The following DCAF6 variants were observed in gnomAD, a reference collection of about 807,000 sequenced individuals.
DCAF6 encodes DDB1 and CUL4 associated factor 6, also known as DDB1- and CUL4-associated factor 6.
Under a neutral mutation model 125.1 loss-of-function variants are expected in DCAF6, and 54 were observed. The observed-to-expected ratio is 0.43, with a 90% CI of 0.35 to 0.54. The LOEUF (loss-of-function observed/expected upper bound fraction) is 0.54, where lower values mean the gene tolerates loss of function less well. DCAF6 is among the 20% of genes least tolerant of loss of function. The pLI is 0.01. For synonymous variants in DCAF6, 371 were observed against 390.4 expected, an observed-to-expected ratio of 0.95 and a Z score of 0.58; for missense variants, 934 against 1,161.7, an observed-to-expected ratio of 0.80 and a Z score of 2.85.
chr1:168,075,455 A>G lies in DCAF6; in HGVS notation c.*20A>G, dbSNP rs764996249. 3 of 1,573,476 alleles carry G rather than the reference A, an allele frequency of 1.9e-6. No individual in the cohort carries two copies. Among genetic ancestry groups the G allele is most frequent in the Non-Finnish European group, 1.7e-6 (2 of 1,164,952 alleles). The stretch of plus-strand genomic sequence containing the variant: ...GAATAATAAACTCTTTTTGGCAAGC[A>G]CTTAAATGTTCTGAAATTTGTATAA... On this transcript the variant is annotated 3_prime_UTR_variant, in exon 22 of 22. Coordinates refer to ENST00000367840, the MANE Select transcript of DCAF6 (RefSeq NM_001198956.2).
At chr1:167,975,584 C>T (rs1678026496) in intron 4 of DCAF6, among the ~76,000 whole-genome samples, 1 of 152,212 alleles carries the variant, frequency 6.6e-6, no homozygotes, top group African/African-American at 2.4e-5. Flanking sequence ...GTCACACTGT[C>T]ACTCACACTG....
chr1:168,018,676 A>T (rs1356213127), intron 11 of DCAF6, among the ~76,000 whole-genome samples: 2 of 152,248 alleles, frequency 1.3e-5, no homozygotes, highest in African/African-American at 4.8e-5. Context: ...TTTTAAAAGT[A>T]TATCTTTTCT....
intron 10 of DCAF6, among the ~76,000 whole-genome samples, chr1:168,009,386 C>CCTTCCTTT (rs1374012470): frequency 1.3e-3 from 102 of 75,606 alleles, no homozygotes; most frequent in African/African-American, 4.9e-3. Context: ...TTCCTTCCTT[C>CCTTCCTTT]CTTTCTTTCT....
At chr1:167,933,875 G>A (rs939646649), upstream of DCAF6, among the ~76,000 whole-genome samples, 4 of 152,176 alleles carry the variant, frequency 2.6e-5, no homozygotes. Context: ...GACAGTTATT[G>A]AGAGTCTAAG....
chr1:167,984,264 A>T (rs922522650), intron 4 of DCAF6, among the ~76,000 whole-genome samples: 5 of 152,192 alleles, frequency 3.3e-5, no homozygotes, highest in Non-Finnish European at 5.9e-5. Flanking sequence ...CTTCTGTAAC[A>T]TTCTTACACT....
the DCAF6 span, among the ~76,000 whole-genome samples, chr1:167,915,357 C>T: frequency 1.9e-4 from 29 of 152,276 alleles, no homozygotes; most frequent in African/African-American, 6.3e-4. Context: ...GTTCAGAAAC[C>T]GTGCAAATAG....
At chr1:167,895,229 G>A in the DCAF6 span, among the ~76,000 whole-genome samples, 1 of 150,712 alleles carries the variant, frequency 6.6e-6, no homozygotes, top group East Asian at 1.9e-4. Context: ...GGTGCTCAAA[G>A]TAAGGCCTGA....
intron 12 of DCAF6, among the ~76,000 whole-genome samples, chr1:168,033,702 C>CT (rs1199486502): frequency 6.6e-6 from 1 of 152,118 alleles, no homozygotes; most frequent in Non-Finnish European, 1.5e-5. Context: ...CCTTTACAGT[C>CT]TTTTATCTTG....
the DCAF6 span, chr1:167,870,220 A>G: frequency 1.9e-6 from 3 of 1,612,434 alleles, no homozygotes; most frequent in East Asian, 2.2e-5. Flanking sequence ...TCAGGATTCT[A>G]TGGGTTCACA....
At chr1:167,873,497 T>C in the DCAF6 span, among the ~76,000 whole-genome samples, 1 of 152,290 alleles carries the variant, frequency 6.6e-6, no homozygotes, top group East Asian at 1.9e-4. Context: ...TGATAAGACT[T>C]TTGGGGATGT....
intron 17 of DCAF6, among the ~76,000 whole-genome samples, chr1:168,060,418 T>C (rs972557189): frequency 2.6e-5 from 4 of 152,154 alleles, no homozygotes; most frequent in Non-Finnish European, 5.9e-5. Context: ...ACTCCTGGGC[T>C]CAAGCAGCCC....
At chr1:167,964,930 A>G (rs540899939) in intron 2 of DCAF6, among the ~76,000 whole-genome samples, 2 of 152,162 alleles carry the variant, frequency 1.3e-5, no homozygotes, top group South Asian at 2.1e-4. Context: ...GACATTGCCC[A>G]TCTCTTCTTA....
At chr1:167,901,746 C>T in the DCAF6 span, 1 of 1,614,208 alleles carries the variant, frequency 6.2e-7, no homozygotes. Context: ...TTAATTACCA[C>T]TGTGATAATG....
chr1:168,041,517 A>G (rs1468696316), intron 13 of DCAF6, among the ~76,000 whole-genome samples: 1 of 151,936 alleles, frequency 6.6e-6, no homozygotes, highest in African/African-American at 2.4e-5. Context: ...AGTATCAAAA[A>G]CTGTATATTC....
chr1:167,952,446 G>A (rs1674111266), intron 2 of DCAF6, among the ~76,000 whole-genome samples: 1 of 151,828 alleles, frequency 6.6e-6, no homozygotes, highest in Admixed American at 6.6e-5. Flanking sequence ...GTGTTGATCT[G>A]ACCTCGTGAT....
chr1:167,901,937 C>A, the DCAF6 span: 1 of 1,604,448 alleles, frequency 6.2e-7, no homozygotes, highest in Non-Finnish European at 8.5e-7. Context: ...CTCTAGGATG[C>A]CTCCTTTGTC....
At chr1:167,884,404 G>A in the DCAF6 span, among the ~76,000 whole-genome samples, 2 of 152,048 alleles carry the variant, frequency 1.3e-5, no homozygotes, top group African/African-American at 2.4e-5. Context: ...AACAGCAAGG[G>A]TATAATCCAC....
intron 12 of DCAF6, among the ~76,000 whole-genome samples, chr1:168,028,229 T>G (rs145551721): frequency 1.3e-5 from 2 of 152,294 alleles, no homozygotes; most frequent in Non-Finnish European, 2.9e-5. Context: ...TTATTAAAAC[T>G]TAACAAATTT....
In DCAF6 at chr1:167,937,113, G is replaced by A. The variant is rs1176191099; in HGVS notation, c.97+105G>A. The A allele has an allele frequency of 9.5e-6, 9 of 944,534 alleles. No individual in the cohort carries two copies. In the Admixed American group the frequency reaches 1.8e-4, roughly 19 times the overall value. 58.5% of individuals were successfully genotyped at this position (944,534 alleles called of 1,614,324 possible). ...GGTGGGACGGCGTCTCGGTGGGGGC[G>A]CCCGGAGACTCTGGGGTGTTGGGTG... On this transcript the variant is annotated intron_variant, in intron 1 of 21. Coordinates refer to ENST00000367840, the MANE Select transcript of DCAF6 (RefSeq NM_001198956.2).
Sources: allele counts gnomAD v4.1 joint callset (sites outside exome capture counted in the v4.1 genomes callset), GRCh38; gene constraint gnomAD v4.1.1; transcripts MANE v1.5; gene names NCBI Gene and HGNC (gene_info 2026-07-23, HGNC 2026-07-21).